NT5DC4: variants seen among roughly 807,000 people sequenced by gnomAD.
NT5DC4 encodes 5'-nucleotidase domain-containing protein 4.
Under a neutral mutation model 26.6 loss-of-function variants are expected in NT5DC4, and 44 were observed. The observed-to-expected ratio is 1.65, with a 90% confidence interval of 1.30 to 2.13. The LOEUF is 2.13. Among genes scored for constraint, NT5DC4 ranks in the 30% most tolerant of loss-of-function variants. The pLI, the probability that NT5DC4 is intolerant of heterozygous loss-of-function variation, is 0.00. For synonymous variants in NT5DC4, 157 were observed against 86.7 expected (o/e 1.81, Z -4.51); for missense variants, 399 against 228.1 (o/e 1.75, Z -4.83).
Position 112,739,050 on chromosome 2 carries a change from T to C in NT5DC4, c.*114T>C. 6.2e-7 allele frequency: 1 copy of C among 1,610,154 alleles called. No individual in the cohort carries two copies. The highest frequency in any genetic ancestry group is 8.5e-7 in the Non-Finnish European group (1 of 1,176,784). The stretch of plus-strand genomic sequence containing the variant: ...TGCACTTCCGGCATCCCATTTATTC[T>C]GAGAGACAGCAAGAGATGCATTAAA... On this transcript the variant is annotated 3_prime_UTR_variant, in exon 17 of 17. Transcript: ENST00000688554.
chr2:112,739,421 C>A (rs1351655534), downstream of NT5DC4, among the ~76,000 whole-genome samples: 9 of 151,276 alleles, frequency 5.9e-5, no homozygotes, highest in Admixed American at 6.6e-5. Context: ...ACCCCAGTCT[C>A]AAAAAAAAGG....
intron 16 of NT5DC4, among the ~76,000 whole-genome samples, chr2:112,733,607 G>T (rs938093721): frequency 6.6e-6 from 1 of 152,236 alleles, no homozygotes; most frequent in African/African-American, 2.4e-5. Flanking sequence ...CCACATGGAC[G>T]AGGCTGCCTC....
Position 112,722,234 on chromosome 2 carries a change from C to T in NT5DC4, c.318C>T (p.His106=), listed in dbSNP as rs879085538. The T allele has an allele frequency of 6.1e-5, 44 of 717,004 alleles. No homozygotes were observed. The highest frequency in any genetic ancestry group is 1.8e-4 in the Admixed American group (9 of 50,014). The allele number at this position is 717,004 out of a possible 1,614,324, so 44.4% of individuals were successfully genotyped here. A position where few individuals can be genotyped will look rare whatever the true frequency, so the allele number is the denominator to read the frequency against. Residue 106 remains histidine, a synonymous_variant, in exon 4 of 17, where the codon CAC becomes CAT. Transcript: ENST00000688554. ...GGAACCTGCTGAAGGTGGACGCCCACGGGAATGTGCTGCTGGGTGCCTATG... is the reference window on the plus strand; with the variant it reads ...GGAACCTGCTGAAGGTGGACGCCCATGGGAATGTGCTGCTGGGTGCCTATG... ...LYGNLLKVDA[H]GNVLLGAYGF...
At position 112,726,579 on chromosome 2, in the gene NT5DC4, G is replaced by A. The variant is rs1677747570; in HGVS notation, c.1206-99G>A. The A allele has an allele frequency of 8.5e-6, 6 of 708,828 alleles. 1 individual carries two copies. In the East Asian group the frequency reaches 1.1e-4, roughly 13 times the overall value. The allele number at this position is 708,828 out of a possible 1,614,324, so 43.9% of individuals were successfully genotyped here. A position where few individuals can be genotyped will look rare whatever the true frequency, so the allele number is the denominator to read the frequency against. On this transcript the variant is annotated intron_variant, in intron 14 of 16. Coordinates refer to ENST00000688554, the MANE Select transcript of NT5DC4 (RefSeq NM_001393655.1). ...CGGCACCCCCACTGGATGCCCGCACGGTGTCCCCCCACCCGACCCCTGCTG... is the reference window on the plus strand; with the variant it reads ...CGGCACCCCCACTGGATGCCCGCACAGTGTCCCCCCACCCGACCCCTGCTG...
intron 4 of NT5DC4, 29 bp downstream of exon 4, chr2:112,722,307 C>A: frequency 1.4e-6 from 1 of 716,768 alleles, no homozygotes; most frequent in South Asian, 1.5e-5. Context: ...GGGAGAGTGG[C>A]AGGCCAGGAG....
rs1487173468 is a variant in NT5DC4, at chr2:112,725,184, A to G, written c.926A>G (p.Lys309Arg). 2.8e-6 allele frequency: 2 copies of G among 715,966 alleles called. No individual in the cohort carries two copies. The highest frequency in any genetic ancestry group is 2.7e-5 in the East Asian group (1 of 37,184). The allele number at this position is 715,966 out of a possible 1,614,324, so 44.4% of individuals were successfully genotyped here. ...CCTCTGCCCCTCCAGGACTCAGGAAAGCTCCACGTGGGCACCTACACAGGG... is the reference window on the plus strand; with the variant it reads ...CCTCTGCCCCTCCAGGACTCAGGAAGGCTCCACGTGGGCACCTACACAGGG... ...TVMAGAEDSGKLHVGTYTGPH... is the reference protein window; with the variant it reads ...TVMAGAEDSGRLHVGTYTGPH... Residue 309 changes from lysine to arginine, a missense_variant, in exon 12 of 17, where the codon AAG becomes AGG. Lys to Arg is a conservative substitution (Grantham distance 26, BLOSUM62 2). Coordinates refer to ENST00000688554, the MANE Select transcript of NT5DC4 (RefSeq NM_001393655.1).
At chr2:112,719,576 T>C (rs991666021), upstream of NT5DC4, among the ~76,000 whole-genome samples, 3 of 149,466 alleles carry the variant, frequency 2.0e-5, no homozygotes, top group Admixed American at 1.4e-4. Flanking sequence ...ACCTCTGCTT[T>C]CTGGGTTCAA....
At chr2:112,742,848 A>T (rs908638100), downstream of NT5DC4, 5 of 897,116 alleles carry the variant, frequency 5.6e-6, no homozygotes, top group Non-Finnish European at 8.8e-6. Context: ...AACTTCAAAT[A>T]CATGTTTTAT....
At chr2:112,738,792 A>C (rs767600827) in intron 16 of NT5DC4, 121 bp from the exon 17 acceptor site, 2 of 1,443,928 alleles carry the variant, frequency 1.4e-6, no homozygotes, top group Admixed American at 1.7e-5. Flanking sequence ...GTTGGTTCTG[A>C]AACACCTTTT....
intron 6 of NT5DC4, 70 bp downstream of exon 6, chr2:112,722,841 G>T (rs1329954425): frequency 1.5e-6 from 1 of 645,708 alleles, no homozygotes; most frequent in Non-Finnish European, 2.8e-6. Flanking sequence ...ACCCCAAAGA[G>T]GGGCCCCCCA....
At chr2:112,739,556 G>A (rs1052574142), downstream of NT5DC4, among the ~76,000 whole-genome samples, 10 of 152,190 alleles carry the variant, frequency 6.6e-5, no homozygotes, top group African/African-American at 2.2e-4. Context: ...TTGGCAGTTG[G>A]TGTTCATTTA....
intron 16 of NT5DC4, 190 bp from the exon 17 acceptor site, chr2:112,738,723 C>T (rs1241488157): frequency 5.4e-6 from 4 of 744,350 alleles, no homozygotes; most frequent in Non-Finnish European, 9.1e-6. Context: ...CCATAATCTG[C>T]ATCCATGATG....
At chr2:112,723,198 C>T (rs565875839) in intron 7 of NT5DC4, 24 bp downstream of exon 7, 25 of 717,226 alleles carry the variant, frequency 3.5e-5, no homozygotes, top group South Asian at 4.4e-5. Flanking sequence ...CCAGAACCCC[C>T]GGACCCCTGA....
rs140930059 is a variant in NT5DC4 at position 112,736,307 on chromosome 2, C to T, written c.1345-2606C>T. ...TGTGATCTCTAAGCAGCCCTCTGAG[C>T]ATTACTTGGCTTCACAGGTAAAGTT... On this transcript the variant is annotated intron_variant, in intron 16 of 16. Transcript: ENST00000688554. 2.0e-3 allele frequency among the ~76,000 whole-genome samples: 301 copies of T among 152,292 alleles called. 2 individuals carry two copies. The highest frequency in any genetic ancestry group is 6.9e-3 in the African/African-American group (288 of 41,556).
At chr2:112,725,135 T>C (rs780441850) in intron 11 of NT5DC4, 39 bp from the exon 12 acceptor site, 42 of 703,546 alleles carry the variant, frequency 6.0e-5, no homozygotes, top group South Asian at 5.5e-4. Context: ...ACCAAAGATG[T>C]GGTTCTCCTG....
chr2:112,738,819 G>A (rs779434277), intron 16 of NT5DC4, 94 bp from the exon 17 acceptor site: 1 of 1,576,420 alleles, frequency 6.3e-7, no homozygotes, highest in Admixed American at 1.7e-5. Context: ...AAAGCATCAA[G>A]AAATTATGAT....
At chr2:112,722,973 G>T (rs1677133732) in intron 6 of NT5DC4, 108 bp from the exon 7 acceptor site, 3 of 623,220 alleles carry the variant, frequency 4.8e-6, no homozygotes, top group African/African-American at 1.9e-5. Context: ...CATAAGCCCA[G>T]TGAAGGCCCC....
chr2:112,739,257 C>T (rs1679671942), downstream of NT5DC4, among the ~76,000 whole-genome samples: 1 of 151,868 alleles, frequency 6.6e-6, no homozygotes, highest in African/African-American at 2.4e-5. Context: ...CTATCTTTAC[C>T]AAAAAATATA....
At chr2:112,721,696 G>A (rs1676881961) in intron 1 of NT5DC4, 122 bp from the exon 2 acceptor site, 1 of 714,776 alleles carries the variant, frequency 1.4e-6, no homozygotes, top group African/African-American at 1.7e-5. Context: ...CTTCCCCTGT[G>A]CTTTCTGCAG....
Sources: allele counts gnomAD v4.1 joint callset (sites outside exome capture counted in the v4.1 genomes callset), GRCh38; gene constraint gnomAD v4.1.1; transcripts MANE v1.5; gene names NCBI Gene and HGNC (gene_info 2026-07-23, HGNC 2026-07-21).